PHTF2: variants seen among roughly 807,000 people sequenced by gnomAD.
PHTF2 encodes the protein putative homeodomain transcription factor 2.
Under a neutral mutation model 101.2 loss-of-function variants are expected in PHTF2, and 60 were observed. The ratio of observed to expected loss-of-function variants is 0.59; its 90% CI spans 0.48 to 0.73. PHTF2 has a LOEUF of 0.73. Ranked by LOEUF, PHTF2 falls within the 30% of genes least tolerant of loss-of-function variation. The pLI is 0.00. For missense variants in PHTF2, 747 were observed against 908.7 expected (o/e 0.82, Z 2.29); for synonymous variants, 311 against 307.3 (o/e 1.01, Z -0.13).
At chr7:77,802,010 A>C (rs1213690740) in intron 1 of PHTF2, among the ~76,000 whole-genome samples, 1 of 152,264 alleles carries the variant, frequency 6.6e-6, no homozygotes, top group African/African-American at 2.4e-5. Flanking sequence ...TGAATACAAA[A>C]GAAACAATAA....
chr7:77,891,539 G>A (rs1436113150), intron 3 of PHTF2, among the ~76,000 whole-genome samples: 2 of 151,876 alleles, frequency 1.3e-5, no homozygotes, highest in Non-Finnish European at 2.9e-5. Context: ...CTTGGTCTAG[G>A]TGTTACAATA....
intron 10 of PHTF2, 148 bp downstream of exon 9, chr7:77,920,613 G>A (rs1803363009): frequency 6.3e-6 from 4 of 639,430 alleles, no homozygotes; most frequent in Non-Finnish European, 1.1e-5. Context: ...CTGTAAATGA[G>A]ATAAAGTGTT....
chr7:77,843,140 A>G (rs1459844660), intron 2 of PHTF2, among the ~76,000 whole-genome samples: 1 of 152,148 alleles, frequency 6.6e-6, no homozygotes, highest in Non-Finnish European at 1.5e-5. Context: ...TAGCTTTTTT[A>G]TAAGCTTCCC....
chr7:77,920,255 T>G, intron 9 of PHTF2, 24 bp from the exon 9 acceptor site: 1 of 1,332,190 alleles, frequency 7.5e-7, no homozygotes, highest in Middle Eastern at 1.8e-4. Context: ...GTCCAAACAT[T>G]CTTCTGCATA....
chr7:77,872,174 T>C (rs1798575513), intron 3 of PHTF2, among the ~76,000 whole-genome samples: 1 of 152,082 alleles, frequency 6.6e-6, no homozygotes, highest in Non-Finnish European at 1.5e-5. Flanking sequence ...ATGCGTAACC[T>C]CCATCCCTGC....
At chr7:77,921,906 TTAG>T (rs1803503200) in intron 10 of PHTF2, among the ~76,000 whole-genome samples, 1 of 152,180 alleles carries the variant, frequency 6.6e-6, no homozygotes, top group Admixed American at 6.5e-5. Flanking sequence ...CATTATTAAA[TTAG>T]TGGTGGGTCT....
intron 16 of PHTF2, 89 bp downstream of exon 15, chr7:77,942,875 G>A (rs1422187806): frequency 4.5e-6 from 3 of 665,296 alleles, no homozygotes; most frequent in East Asian, 3.0e-5. Context: ...ATATAAGTAA[G>A]CCTAGTTAGA....
chr7:77,881,603 T>G (rs949412084), intron 3 of PHTF2, among the ~76,000 whole-genome samples: 1 of 152,084 alleles, frequency 6.6e-6, no homozygotes, highest in African/African-American at 2.4e-5. Flanking sequence ...ACTCCTAGAC[T>G]CAAATAATCT....
At chr7:77,935,129 C>G (rs35434731) in intron 12 of PHTF2, among the ~76,000 whole-genome samples, 14,686 of 125,478 alleles carry the variant, frequency 0.12, 1,026 homozygotes, top group Middle Eastern at 0.14. Context: ...TTCCCCCCCC[C>G]CACACACACA....
intron 3 of PHTF2, among the ~76,000 whole-genome samples, chr7:77,866,303 A>G (rs537160482): frequency 5.9e-5 from 9 of 152,308 alleles, no homozygotes; most frequent in Admixed American, 2.0e-4. Flanking sequence ...TTGTAGTCAA[A>G]TCAGTTTGGG....
At chr7:77,926,849 C>T (rs912058565) in intron 11 of PHTF2, among the ~76,000 whole-genome samples, 27 of 150,514 alleles carry the variant, frequency 1.8e-4, no homozygotes, top group African/African-American at 6.6e-4. Flanking sequence ...TGGTGGTACA[C>T]GCATGTAGTC....
At chr7:77,923,466 A>T in intron 11 of PHTF2, 1 of 985,334 alleles carries the variant, frequency 1.0e-6, no homozygotes, top group Non-Finnish European at 1.2e-6. Flanking sequence ...AAACAAACAC[A>T]TGTTACGCTG....
chr7:77,853,083 T>C (rs1016928215), intron 2 of PHTF2, among the ~76,000 whole-genome samples: 2 of 152,198 alleles, frequency 1.3e-5, no homozygotes, highest in Non-Finnish European at 2.9e-5. Flanking sequence ...CTGCTTGTTG[T>C]TCTACGACCT....
At chr7:77,912,554 C>G (rs1562942256) in intron 9 of PHTF2, among the ~76,000 whole-genome samples, 2 of 151,948 alleles carry the variant, frequency 1.3e-5, no homozygotes, top group Non-Finnish European at 2.9e-5. Context: ...TCTCTGTTAA[C>G]ATAACTGATA....
At chr7:77,901,159 T>G (rs926562286) in intron 6 of PHTF2, among the ~76,000 whole-genome samples, 1 of 152,248 alleles carries the variant, frequency 6.6e-6, no homozygotes, top group Admixed American at 6.5e-5. Context: ...TTCACCCTTA[T>G]GGCCCGTATA....
chr7:77,805,096 A>G (rs1158128201), intron 1 of PHTF2, among the ~76,000 whole-genome samples: 5 of 152,224 alleles, frequency 3.3e-5, no homozygotes, highest in Admixed American at 3.3e-4. Flanking sequence ...CAATTTCTTT[A>G]GTAGATAAAG....
intron 11 of PHTF2, among the ~76,000 whole-genome samples, chr7:77,928,810 C>T (rs1011739408): frequency 6.6e-6 from 1 of 152,216 alleles, no homozygotes; most frequent in Non-Finnish European, 1.5e-5. Flanking sequence ...ACTACTTAGA[C>T]TACTCTCTCT....
chr7:77,857,645 A>T lies in PHTF2; in HGVS notation c.147+2811A>T, dbSNP rs114973283. Among the ~76,000 whole-genome samples the T allele has an allele frequency of 5.3e-3, 809 of 152,366 alleles. 6 individuals are homozygous for T. Among genetic ancestry groups the T allele is most frequent in the African/African-American group, 0.018 (750 of 41,588 alleles). On this transcript the variant is annotated intron_variant, in intron 3 of 19. Transcript: ENST00000416283. The stretch of plus-strand genomic sequence containing the variant: ...AGATCAAAAACCTTCCGTCACAACC[A>T]TCTGATGGTAACCACCATATGAGGC...
chr7:77,817,363 T>C (rs187339124), intron 1 of PHTF2, among the ~76,000 whole-genome samples: 1 of 152,310 alleles, frequency 6.6e-6, no homozygotes, highest in Non-Finnish European at 1.5e-5. Context: ...TACCTGAGCC[T>C]GGGTAATTTA....
Sources: allele counts gnomAD v4.1 joint callset (sites outside exome capture counted in the v4.1 genomes callset), GRCh38; gene constraint gnomAD v4.1.1; transcripts MANE v1.5; gene names NCBI Gene and HGNC (gene_info 2026-07-23, HGNC 2026-07-21).